CYP2C18: variants seen among roughly 807,000 people sequenced by gnomAD.
CYP2C18 encodes cytochrome P450 family 2 subfamily C member 18, also known as cytochrome P450 2C18.
Under a neutral mutation model 41.3 loss-of-function variants are expected in CYP2C18, and 38 were observed. That is an observed-to-expected ratio of 0.92 (90% CI 0.71 to 1.21). CYP2C18 has a LOEUF of 1.21. Ranked by LOEUF, CYP2C18 falls within the 50% of genes most tolerant of loss-of-function variation. The pLI, the probability that CYP2C18 is intolerant of heterozygous loss-of-function variation, is 0.00. For synonymous variants in CYP2C18, 236 were observed against 210.0 expected (o/e 1.12, Z -1.07); for missense variants, 635 against 591.4 (o/e 1.07, Z -0.77).
Position 94,733,418 on chromosome 10 carries a change from A to C in CYP2C18, c.1271A>C (p.Tyr424Ser). The C allele has an allele frequency of 6.2e-7, 1 of 1,613,338 alleles. No individual in the cohort carries two copies. The highest frequency in any genetic ancestry group is 8.5e-7 in the Non-Finnish European group (1 of 1,179,502). The change falls in exon 8 of 9, where the codon TAC becomes TCC. Residue 424 changes from tyrosine to serine, a missense_variant. Transcript: ENST00000285979. ...DKSGNFKKSD[Y>S]FMPFSAGKRM... ...AGTGGCAACTTTAAGAAAAGTGACT[A>C]CTTCATGCCTTTCTCAGCAGGTAAT... is the stretch of plus-strand genomic sequence containing the variant.
intron 7 of CYP2C18, among the ~76,000 whole-genome samples, chr10:94,725,607 A>G (rs1226856533): frequency 6.6e-6 from 1 of 152,114 alleles, no homozygotes; most frequent in African/African-American, 2.4e-5. Context: ...GTATATTTTC[A>G]TAAGTAAAAA....
At position 94,689,435 on chromosome 10, in the gene CYP2C18, T is replaced by C. The variant is rs577391705; in HGVS notation, c.481+1161T>C. ...GACTGCTGCTCCCAAAGTCAGACAG[T>C]TCCTAGAGATAGCAAATGTCTTGTC... On this transcript the variant is annotated intron_variant, in intron 3 of 8. Coordinates refer to ENST00000285979, the MANE Select transcript of CYP2C18 (RefSeq NM_000772.3). Among the ~76,000 whole-genome samples the C allele has an allele frequency of 8.5e-5, 13 of 152,226 alleles. No homozygotes were observed. The South Asian group carries it at 2.7e-3, about 32-fold the overall frequency.
intron 5 of CYP2C18, among the ~76,000 whole-genome samples, chr10:94,713,731 T>C (rs1847488127): frequency 6.6e-6 from 1 of 152,218 alleles, no homozygotes; most frequent in African/African-American, 2.4e-5. Flanking sequence ...ATATTTCTAG[T>C]TCTAGATCCT....
Position 94,706,982 on chromosome 10 carries a change from T to C in CYP2C18, c.819+22T>C, listed in dbSNP as rs75889074. On this transcript the variant is annotated intron_variant, in intron 5 of 8. Coordinates refer to ENST00000285979, the MANE Select transcript of CYP2C18 (RefSeq NM_000772.3). The stretch of plus-strand genomic sequence containing the variant: ...ACAGGTAAAATGTTATTTGTTTGCC[T>C]GCATCTTGTGGTTCATTGATTAGTT... The C allele has an allele frequency of 5.2e-4, 833 of 1,593,276 alleles. 8 individuals are homozygous for C. The African/African-American group carries it at 0.01, about 20-fold the overall frequency.
At chr10:94,727,025 T>A (rs75103531) in intron 7 of CYP2C18, among the ~76,000 whole-genome samples, 2,557 of 152,236 alleles carry the variant, frequency 0.017, 36 homozygotes, top group Middle Eastern at 0.031. Context: ...GGAAGTGTAA[T>A]GAATGCAACT....
At chr10:94,695,720 T>C (rs1305245456) in intron 4 of CYP2C18, among the ~76,000 whole-genome samples, 2 of 152,030 alleles carry the variant, frequency 1.3e-5, no homozygotes, top group Non-Finnish European at 2.9e-5. Context: ...GGTCAGGGAA[T>C]TCCCTTTCCT....
chr10:94,724,568 T>C, intron 7 of CYP2C18, 35 bp downstream of exon 7: 1 of 1,580,722 alleles, frequency 6.3e-7, no homozygotes, highest in Non-Finnish European at 8.7e-7. Flanking sequence ...ATCTCCATGC[T>C]CTTCAAGTCC....
At chr10:94,727,636 G>C (rs1299261709) in intron 7 of CYP2C18, among the ~76,000 whole-genome samples, 1 of 151,384 alleles carries the variant, frequency 6.6e-6, no homozygotes, top group East Asian at 1.9e-4. Flanking sequence ...AAAAAAAAGA[G>C]GAAAGAAAAG....
In CYP2C18 at chr10:94,733,371, C is replaced by G. The variant is rs367800235; in HGVS notation, c.1224C>G (p.Asp408Glu). ...AATTCCCCAACCCAGAGATGTTTGA[C>G]CCTGGCCACTTTCTGGATAAGAGTG... ...DKEFPNPEMF[D>E]PGHFLDKSGN... is the part of the protein sequence containing the mutation. Residue 408 changes from aspartate to glutamate, a missense_variant, in exon 8 of 9, where the codon GAC becomes GAG. Transcript: ENST00000285979. 4 of 1,613,314 alleles carry G rather than the reference C, an allele frequency of 2.5e-6. No individual in the cohort carries two copies. The African/African-American group carries it at 5.3e-5, about 22-fold the overall frequency.
intron 4 of CYP2C18, among the ~76,000 whole-genome samples, chr10:94,698,281 C>G (rs1034257706): frequency 4.6e-5 from 7 of 152,364 alleles, no homozygotes; most frequent in African/African-American, 1.7e-4. Context: ...AACAAACTGT[C>G]TCTCAGACCA....
At chr10:94,701,531 A>G (rs930088212) in intron 4 of CYP2C18, among the ~76,000 whole-genome samples, 2 of 152,224 alleles carry the variant, frequency 1.3e-5, no homozygotes, top group African/African-American at 4.8e-5. Flanking sequence ...TGAAGAGTTA[A>G]TGGGTGCAGC....
chr10:94,724,290 A>G (rs1847695316), intron 6 of CYP2C18, 56 bp from the exon 7 acceptor site: 1 of 1,568,416 alleles, frequency 6.4e-7, no homozygotes, highest in Non-Finnish European at 8.8e-7. Flanking sequence ...CTGAATTGCT[A>G]CAACAAATGT....
intron 7 of CYP2C18, among the ~76,000 whole-genome samples, chr10:94,731,988 C>T (rs1257123587): frequency 6.6e-6 from 1 of 151,966 alleles, no homozygotes; most frequent in African/African-American, 2.4e-5. Context: ...AATTTAGTTA[C>T]AAATTAAACT....
At chr10:94,688,044 C>G (rs945957844) in intron 2 of CYP2C18, 81 bp from the exon 3 acceptor site, 16 of 1,603,020 alleles carry the variant, frequency 1.0e-5, no homozygotes, top group Non-Finnish European at 1.4e-5. Flanking sequence ...AGAACTTGAC[C>G]TGTCCACGTG....
chr10:94,690,144 G>A (rs778388306), intron 3 of CYP2C18, among the ~76,000 whole-genome samples: 5 of 152,058 alleles, frequency 3.3e-5, no homozygotes, highest in Admixed American at 6.5e-5. Context: ...CAACCTGATC[G>A]GTTGACCTCA....
At chr10:94,695,201 G>C in intron 4 of CYP2C18, 124 bp downstream of exon 4, 1 of 832,882 alleles carries the variant, frequency 1.2e-6, no homozygotes, top group Non-Finnish European at 1.8e-6. Flanking sequence ...GGGCAGGTTT[G>C]TCACATGGGT....
At chr10:94,731,729 A>G (rs1847836548) in intron 7 of CYP2C18, among the ~76,000 whole-genome samples, 1 of 152,190 alleles carries the variant, frequency 6.6e-6, no homozygotes, top group Non-Finnish European at 1.5e-5. Context: ...AAGACTCCCT[A>G]TTCAATAAAT....
intron 5 of CYP2C18, among the ~76,000 whole-genome samples, chr10:94,709,277 C>G (rs1425148135): frequency 1.3e-5 from 2 of 152,130 alleles, no homozygotes; most frequent in African/African-American, 4.8e-5. Flanking sequence ...CACAACCTTG[C>G]TAATGTTTCT....
At chr10:94,719,160 C>A (rs1421838980) in intron 5 of CYP2C18, among the ~76,000 whole-genome samples, 2 of 152,028 alleles carry the variant, frequency 1.3e-5, no homozygotes, top group Admixed American at 1.3e-4. Context: ...GAATTGCAAA[C>A]CCTTGATTCT....
Sources: gnomAD v4.1 joint callset for allele counts (sites outside exome capture counted in the v4.1 genomes callset) on GRCh38, gnomAD v4.1.1 for gene constraint, MANE v1.5 for transcripts, NCBI Gene and HGNC (gene_info 2026-07-23, HGNC 2026-07-21) for gene names.